The following CD247 variants were observed in gnomAD, a reference collection of about 807,000 sequenced individuals.
CD247 encodes T-cell surface glycoprotein CD3 zeta chain.
A neutral mutation model predicts 30.0 loss-of-function variants in CD247; 13 were observed. The observed-to-expected ratio is 0.43, with a 90% confidence interval of 0.28 to 0.69. The LOEUF (loss-of-function observed/expected upper bound fraction) is 0.69, where lower values mean the gene tolerates loss of function less well. Ranked by LOEUF, CD247 falls within the 30% of genes least tolerant of loss-of-function variation. The pLI is 0.16. For synonymous variants in CD247, 72 were observed against 80.0 expected, an observed-to-expected ratio of 0.90 and a Z score of 0.53; for missense variants, 193 against 212.6, an observed-to-expected ratio of 0.91 and a Z score of 0.57.
chr1:167,486,770 G>A (rs1052305661), intron 1 of CD247, among the ~76,000 whole-genome samples: 5 of 152,208 alleles, frequency 3.3e-5, no homozygotes, highest in African/African-American at 1.2e-4. Context: ...ACCTCTGTGT[G>A]AGTTAGAAAT....
chr1:167,494,303 G>A lies in CD247; in HGVS notation c.58+24105C>T, dbSNP rs1392690486. Among the ~76,000 whole-genome samples, 1 of 152,194 alleles carries A rather than the reference G, an allele frequency of 6.6e-6. No homozygotes were observed. The highest frequency in any genetic ancestry group is 1.5e-5 in the Non-Finnish European group (1 of 68,032). On this transcript the variant is annotated intron_variant, in intron 1 of 7. Coordinates refer to ENST00000362089, the MANE Select transcript of CD247 (RefSeq NM_198053.3). This position sits in a 1 kb window ranked among gnomAD's most constrained non-coding sequence, Gnocchi z 7.3. ...ACCTCTGTCAACAAATAGAGGATTTGTTTAATCTTTTCTGAAAGAGTCCGA... is the reference window on the plus strand; with the variant it reads ...ACCTCTGTCAACAAATAGAGGATTTATTTAATCTTTTCTGAAAGAGTCCGA...
intron 1 of CD247, among the ~76,000 whole-genome samples, chr1:167,469,671 A>G (rs769939040): frequency 2.7e-4 from 41 of 152,020 alleles, no homozygotes; most frequent in Non-Finnish European, 1.3e-4. Context: ...AGAGTGAGAG[A>G]TAAAGGAAAG....
At chr1:167,433,689 G>T (rs1651391629) in intron 6 of CD247, among the ~76,000 whole-genome samples, 4 of 152,144 alleles carry the variant, frequency 2.6e-5, no homozygotes, top group Non-Finnish European at 5.9e-5. Flanking sequence ...TTGTTTTCAT[G>T]TTGTCCTGGG....
In CD247 at chr1:167,494,920, T is replaced by C. The variant is rs918117195; in HGVS notation, c.58+23488A>G. ...CCGGGTTCCAGAGAGCCCAGGTGAC[T>C]TGCCTTGGCTGGGCTGGACTCTGTT... On this transcript the variant is annotated intron_variant, in intron 1 of 7. Transcript: ENST00000362089. This position sits in a 1 kb window ranked among gnomAD's most constrained non-coding sequence, Gnocchi z 7.3. 6.6e-6 allele frequency among the ~76,000 whole-genome samples: 1 copy of C among 152,210 alleles called. No homozygotes were observed. The highest frequency in any genetic ancestry group is 2.4e-5 in the African/African-American group (1 of 41,456).
chr1:167,506,117 G>T lies in CD247; in HGVS notation c.58+12291C>A, dbSNP rs552442387. On this transcript the variant is annotated intron_variant, in intron 1 of 7. Coordinates refer to ENST00000362089, the MANE Select transcript of CD247 (RefSeq NM_198053.3). ...GTAAAATCCAGAAGTGGAACTTGAA[G>T]GTATCTATAATACTTTCCAGGTCAA... Among the ~76,000 whole-genome samples, 32 of 152,230 alleles carry T rather than the reference G, an allele frequency of 2.1e-4. No homozygotes were observed. The South Asian group carries it at 6.4e-3, about 31-fold the overall frequency.
chr1:167,432,941 C>T, intron 7 of CD247, 83 bp downstream of exon 7: 2 of 1,491,198 alleles, frequency 1.3e-6, no homozygotes, highest in Non-Finnish European at 1.9e-6. Context: ...GCTGGTGCCA[C>T]CAGCAGGCAA....
chr1:167,440,293 G>C (rs1651756721), intron 2 of CD247: 1 of 330,430 alleles, frequency 3.0e-6, no homozygotes, highest in East Asian at 7.6e-5. Context: ...GATGAGGAAA[G>C]GGCCTTTTCA....
chr1:167,493,037 C>CTTTTTTTTTTTT lies in CD247; in HGVS notation c.58+25359_58+25370dup, dbSNP rs60850667. On this transcript the variant is annotated intron_variant, in intron 1 of 7. Transcript: ENST00000362089. ...TGCCCTATTTTCCCTAATTTTTCTC[C>CTTTTTTTTTTTT]TTTTTTTTTTTTTTTTTTTTTTTGA... Among the ~76,000 whole-genome samples the CTTTTTTTTTTTT allele has an allele frequency of 8.7e-5, 7 of 80,366 alleles. 1 individual carries two copies. Among genetic ancestry groups the CTTTTTTTTTTTT allele is most frequent in the Non-Finnish European group, 8.8e-5 (4 of 45,314 alleles). The allele number at this position is 80,366 out of a possible 152,430, so 52.7% of individuals were successfully genotyped here.
At chr1:167,466,715 C>A (rs1226983355) in intron 1 of CD247, among the ~76,000 whole-genome samples, 12 of 152,190 alleles carry the variant, frequency 7.9e-5, no homozygotes, top group Admixed American at 7.9e-4. Context: ...AGAGCGAGGC[C>A]TGTGGAAAGT....
chr1:167,458,612 C>T (rs1652827668), intron 1 of CD247: 1 of 151,902 alleles, frequency 6.6e-6, no homozygotes, highest in South Asian at 2.1e-4. Context: ...TGTTATTTCC[C>T]TGGGAAAACT....
chr1:167,516,839 C>T (rs73031816), intron 1 of CD247, among the ~76,000 whole-genome samples: 214 of 152,250 alleles, frequency 1.4e-3, no homozygotes, highest in African/African-American at 4.7e-3. Flanking sequence ...CTGTTTACCA[C>T]GCTTGGCAGC....
intron 1 of CD247, among the ~76,000 whole-genome samples, chr1:167,482,384 C>A (rs1654008931): frequency 6.6e-6 from 1 of 152,242 alleles, no homozygotes; most frequent in African/African-American, 2.4e-5. Flanking sequence ...AGAGTCAAGG[C>A]AGCTTCTTCA....
intron 1 of CD247, among the ~76,000 whole-genome samples, chr1:167,448,830 C>T (rs1394877369): frequency 3.3e-5 from 5 of 152,134 alleles, no homozygotes; most frequent in African/African-American, 4.8e-5. Flanking sequence ...CACTGCACTC[C>T]AGCCTGGGCC....
At chr1:167,442,583 G>A (rs1207542311) in intron 1 of CD247, among the ~76,000 whole-genome samples, 1 of 152,146 alleles carries the variant, frequency 6.6e-6, no homozygotes, top group Admixed American at 6.5e-5. Flanking sequence ...ACGGTCACAG[G>A]CAGCCCAGGA....
At chr1:167,459,340 T>G (rs555835782) in intron 1 of CD247, among the ~76,000 whole-genome samples, 3 of 148,704 alleles carry the variant, frequency 2.0e-5, no homozygotes, top group African/African-American at 4.9e-5. Flanking sequence ...GGCTTTTTCC[T>G]TACAACTCTT....
chr1:167,501,037 T>C (rs543377217), intron 1 of CD247, among the ~76,000 whole-genome samples: 8 of 151,146 alleles, frequency 5.3e-5, no homozygotes, highest in Non-Finnish European at 8.8e-5. Flanking sequence ...GCCATCCGAC[T>C]TCTGATCCTA....
At chr1:167,483,834 C>T (rs566809325) in intron 1 of CD247, among the ~76,000 whole-genome samples, 2 of 152,320 alleles carry the variant, frequency 1.3e-5, no homozygotes, top group African/African-American at 4.8e-5. Context: ...CCAGGGCATG[C>T]ACTGAGTCCA....
At chr1:167,453,250 G>A (rs1179472801) in intron 1 of CD247, among the ~76,000 whole-genome samples, 3 of 152,030 alleles carry the variant, frequency 2.0e-5, no homozygotes, top group South Asian at 4.2e-4. Context: ...GAGGTAAGCC[G>A]GGTAGATCTT....
chr1:167,431,212 C>A lies in CD247; in HGVS notation c.*469G>T. On this transcript the variant is annotated 3_prime_UTR_variant, in exon 8 of 8. Transcript: ENST00000362089. ...CTCTCACCAGGGAGGCACAACATGG[C>A]CCAGTACAGTTACCTTGAAAGGAGG... 2.1e-6 allele frequency: 1 copy of A among 486,322 alleles called. No homozygotes were observed. The highest frequency in any genetic ancestry group is 3.6e-6 in the Non-Finnish European group (1 of 278,298). The allele number at this position is 486,322 out of a possible 1,614,324, so 30.1% of individuals were successfully genotyped here.
Sources: allele counts gnomAD v4.1 joint callset (sites outside exome capture counted in the v4.1 genomes callset), GRCh38; gene constraint gnomAD v4.1.1; non-coding constraint Gnocchi (gnomAD v3.1); transcripts MANE v1.5; gene names NCBI Gene and HGNC (gene_info 2026-07-23, HGNC 2026-07-21).